The following MCU variants were observed in gnomAD, a reference collection of about 807,000 sequenced individuals.
MCU encodes calcium uniporter protein, mitochondrial.
A neutral mutation model predicts 45.2 loss-of-function variants in MCU; 12 were observed. That is an observed-to-expected ratio of 0.27 (90% confidence interval 0.17 to 0.43). The LOEUF (loss-of-function observed/expected upper bound fraction) is 0.43, where lower values mean the gene tolerates loss of function less well. Ranked by LOEUF, MCU falls within the 20% of genes least tolerant of loss-of-function variation. The probability of loss-of-function intolerance (pLI) is 1.00; values close to 1 mark genes in which losing one functional copy is unlikely to be tolerated. For missense variants in MCU, 324 were observed against 436.7 expected (o/e 0.74, Z 2.30); for synonymous variants, 160 against 165.1 (o/e 0.97, Z 0.24).
intron 1 of MCU, among the ~76,000 whole-genome samples, chr10:72,704,745 C>T (rs988253945): frequency 4.5e-5 from 6 of 133,100 alleles, no homozygotes; most frequent in Admixed American, 8.5e-5. Context: ...GACGGAGTCT[C>T]GCTCTGTAGC....
intron 1 of MCU, among the ~76,000 whole-genome samples, chr10:72,696,704 G>T (rs1339606373): frequency 6.6e-6 from 1 of 152,046 alleles, no homozygotes; most frequent in African/African-American, 2.4e-5. Context: ...GCACAATGCT[G>T]GGTACATAGG....
At chr10:72,741,778 C>T (rs1843335111) in intron 1 of MCU, among the ~76,000 whole-genome samples, 1 of 152,152 alleles carries the variant, frequency 6.6e-6, no homozygotes, top group Non-Finnish European at 1.5e-5. Flanking sequence ...CCGGTAATCC[C>T]AGCACTTTGG....
At chr10:72,727,883 G>A (rs1228047163) in intron 1 of MCU, among the ~76,000 whole-genome samples, 1 of 151,530 alleles carries the variant, frequency 6.6e-6, no homozygotes, top group Non-Finnish European at 1.5e-5. Context: ...ACAAAGCCCA[G>A]TAGTTAATTT....
intron 6 of MCU, among the ~76,000 whole-genome samples, chr10:72,881,916 AG>A (rs1461346224): frequency 6.6e-6 from 1 of 152,218 alleles, no homozygotes; most frequent in African/African-American, 2.4e-5. Flanking sequence ...CTATCAGCTG[AG>A]GAATGGATAA....
In MCU at chr10:72,884,292, C is replaced by G; in HGVS notation, c.888C>G (p.Asp296Glu). Residue 296 changes from aspartate (D) to glutamate (E), a missense_variant, in exon 7 of 8, where the codon GAC becomes GAG. Physicochemically the swap from Asp to Glu is conservative, Grantham distance 45. Coordinates refer to ENST00000373053, the MANE Select transcript of MCU (RefSeq NM_138357.3). The stretch of plus-strand genomic sequence containing the variant: ...AATATGTTTATCCAGAAGCCAGAGA[C>G]AGACAATACTTACTATTTTTCCATA... The part of the protein sequence containing the change: ...RQEYVYPEAR[D>E]RQYLLFFHKG... 1.9e-6 allele frequency: 3 copies of G among 1,609,454 alleles called. No individual in the cohort carries two copies. The highest frequency in any genetic ancestry group is 2.6e-6 in the Non-Finnish European group (3 of 1,175,996).
chr10:72,772,350 A>G (rs1843823018), intron 1 of MCU, among the ~76,000 whole-genome samples: 2 of 152,244 alleles, frequency 1.3e-5, no homozygotes, highest in African/African-American at 4.8e-5. Context: ...CTAGAGCTGA[A>G]AAGGAGGCAG....
chr10:72,832,741 A>C (rs1301362994), intron 1 of MCU, among the ~76,000 whole-genome samples: 1 of 152,190 alleles, frequency 6.6e-6, no homozygotes, highest in Non-Finnish European at 1.5e-5. Context: ...AGTCCTCACA[A>C]CTACTTTATA....
At chr10:72,775,250 AAT>A (rs1843873095) in intron 1 of MCU, among the ~76,000 whole-genome samples, 1 of 152,166 alleles carries the variant, frequency 6.6e-6, no homozygotes. Flanking sequence ...GACCCTGGAA[AAT>A]ACACAAACAC....
At chr10:72,723,954 G>A (rs1229892277) in intron 1 of MCU, among the ~76,000 whole-genome samples, 12 of 152,096 alleles carry the variant, frequency 7.9e-5, no homozygotes, top group Admixed American at 7.9e-4. Context: ...TGGTATCTTC[G>A]AGAACGTTTA....
intron 1 of MCU, among the ~76,000 whole-genome samples, chr10:72,714,955 A>G (rs889097983): frequency 2.0e-5 from 3 of 152,190 alleles, no homozygotes; most frequent in Non-Finnish European, 4.4e-5. Context: ...CTCTTGTCCT[A>G]AGGGTCACTG....
chr10:72,873,454 TA>T (rs1845576896), intron 6 of MCU, among the ~76,000 whole-genome samples: 1 of 152,210 alleles, frequency 6.6e-6, no homozygotes, highest in Non-Finnish European at 1.5e-5. Context: ...TTGGATAGTT[TA>T]TTTTTTTGCT....
intron 1 of MCU, among the ~76,000 whole-genome samples, chr10:72,828,158 G>C (rs1222316938): frequency 6.6e-6 from 1 of 152,136 alleles, no homozygotes; most frequent in African/African-American, 2.4e-5. Flanking sequence ...TCTTAGAAAA[G>C]AAATTTTTGG....
chr10:72,697,255 T>C (rs548022582), intron 1 of MCU, among the ~76,000 whole-genome samples: 11 of 151,580 alleles, frequency 7.3e-5, no homozygotes, highest in Admixed American at 5.3e-4. Flanking sequence ...TAGCTGGGCA[T>C]ATAGGCGTGT....
At chr10:72,766,766 T>C (rs780150410) in intron 1 of MCU, 2 of 152,198 alleles carry the variant, frequency 1.3e-5, no homozygotes, top group East Asian at 3.8e-4. Flanking sequence ...TGTTTAACGC[T>C]CTGTCAGTCT....
At chr10:72,836,709 C>T (rs1374623604) in intron 2 of MCU, among the ~76,000 whole-genome samples, 1 of 152,162 alleles carries the variant, frequency 6.6e-6, no homozygotes, top group Non-Finnish European at 1.5e-5. Flanking sequence ...CAACACTATC[C>T]TTCTTAAGAA....
At chr10:72,816,593 CA>C in intron 1 of MCU, among the ~76,000 whole-genome samples, 1 of 152,294 alleles carries the variant, frequency 6.6e-6, no homozygotes, top group East Asian at 1.9e-4. Context: ...GCATTGACAA[CA>C]TAGCAATACT....
At chr10:72,797,112 G>C (rs1844260425) in intron 1 of MCU, among the ~76,000 whole-genome samples, 1 of 151,874 alleles carries the variant, frequency 6.6e-6, no homozygotes, top group Admixed American at 6.6e-5. Flanking sequence ...CATTATTTTT[G>C]TCTACATGAA....
chr10:72,848,086 A>C (rs964109870), intron 2 of MCU, among the ~76,000 whole-genome samples: 1 of 152,200 alleles, frequency 6.6e-6, no homozygotes, highest in African/African-American at 2.4e-5. Context: ...GTGACACTAC[A>C]CAGGGCATGA....
At chr10:72,878,359 C>T (rs1164493880) in intron 6 of MCU, among the ~76,000 whole-genome samples, 8 of 151,874 alleles carry the variant, frequency 5.3e-5, no homozygotes, top group Admixed American at 1.3e-4. Context: ...TGGGCTCAAG[C>T]GATCTGCCTG....
Sources: gnomAD v4.1 joint callset for allele counts (sites outside exome capture counted in the v4.1 genomes callset) on GRCh38, gnomAD v4.1.1 for gene constraint, MANE v1.5 for transcripts, NCBI Gene and HGNC (gene_info 2026-07-23, HGNC 2026-07-21) for gene names.